Variants in GRID1 observed in about 807,000 individuals in gnomAD.
The protein encoded by GRID1 is glutamate ionotropic receptor delta type subunit 1.
GRID1 carries 28 observed loss-of-function variants against 98.0 expected under a neutral mutation model. That is an observed-to-expected ratio of 0.29 (90% CI 0.21 to 0.39). The LOEUF (loss-of-function observed/expected upper bound fraction) is 0.39, where lower values mean the gene tolerates loss of function less well. Ranked by LOEUF, GRID1 falls within the 10% of genes least tolerant of loss-of-function variation. GRID1 has a pLI of 1.00. For synonymous variants in GRID1, 553 were observed against 538.5 expected (o/e 1.03, Z -0.37); for missense variants, 1,111 against 1,340.5 (o/e 0.83, Z 2.67).
At chr10:86,141,185 G>A (rs77052422) in intron 3 of GRID1, among the ~76,000 whole-genome samples, 1 of 152,082 alleles carries the variant, frequency 6.6e-6, no homozygotes, top group Non-Finnish European at 1.5e-5. Context: ...AGGACAATAT[G>A]GTGCCTTACA....
intron 5 of GRID1, among the ~76,000 whole-genome samples, chr10:85,882,662 A>T (rs1468275237): frequency 6.6e-6 from 1 of 152,184 alleles, no homozygotes; most frequent in African/African-American, 2.4e-5. Context: ...TAGGAGACAC[A>T]CCTAATGTTA....
chr10:85,957,906 C>T (rs1842215734), intron 4 of GRID1, among the ~76,000 whole-genome samples: 2 of 152,180 alleles, frequency 1.3e-5, no homozygotes, highest in Non-Finnish European at 2.9e-5. Flanking sequence ...TGGCTGTCAC[C>T]TATCAAGGTG....
chr10:86,118,554 A>T (rs942353585), intron 4 of GRID1, among the ~76,000 whole-genome samples: 14 of 152,226 alleles, frequency 9.2e-5, no homozygotes, highest in African/African-American at 3.1e-4. Context: ...CAAACAACGG[A>T]TGTAGATACT....
intron 12 of GRID1, among the ~76,000 whole-genome samples, chr10:85,672,597 C>A (rs567555993): frequency 1.3e-5 from 2 of 152,008 alleles, no homozygotes; most frequent in Admixed American, 6.6e-5. Flanking sequence ...TGAGCCCCCA[C>A]GCCCGGCCTC....
At chr10:85,904,557 T>A (rs2131817733) in intron 5 of GRID1, among the ~76,000 whole-genome samples, 1 of 151,804 alleles carries the variant, frequency 6.6e-6, no homozygotes, top group African/African-American at 2.4e-5. Flanking sequence ...CTGAGCAGAG[T>A]GCTGACCCAG....
At position 85,735,190 on chromosome 10, in the gene GRID1, C is replaced by T. The variant is rs191919864; in HGVS notation, c.1234-5576G>A. 5.3e-5 allele frequency among the ~76,000 whole-genome samples: 8 copies of T among 152,192 alleles called. No homozygotes were observed. The East Asian group carries it at 7.8e-4, about 15-fold the overall frequency. On this transcript the variant is annotated intron_variant, in intron 8 of 15. Transcript: ENST00000327946. ...TTTACAGGATCGATGAATTTATGGC[C>T]GCACACACCCACTTTTGACAGCTGA...
At chr10:86,070,664 C>A (rs1219230797) in intron 4 of GRID1, among the ~76,000 whole-genome samples, 2 of 152,150 alleles carry the variant, frequency 1.3e-5, no homozygotes, top group African/African-American at 4.8e-5. Flanking sequence ...GTGATATGAC[C>A]CAGACACTTC....
At chr10:86,012,715 T>C (rs1396803816) in intron 4 of GRID1, among the ~76,000 whole-genome samples, 2 of 151,354 alleles carry the variant, frequency 1.3e-5, no homozygotes, top group Non-Finnish European at 3.0e-5. Context: ...AAGAGGCTCC[T>C]GAGAGCTTTT....
chr10:86,182,964 A>G (rs1319883724), intron 3 of GRID1, among the ~76,000 whole-genome samples: 1 of 152,226 alleles, frequency 6.6e-6, no homozygotes, highest in Non-Finnish European at 1.5e-5. Context: ...GAATTTGTTC[A>G]ACAGCTTTAT....
chr10:86,222,215 G>T (rs940812734), intron 2 of GRID1, among the ~76,000 whole-genome samples: 2 of 152,180 alleles, frequency 1.3e-5, no homozygotes, highest in African/African-American at 4.8e-5. Flanking sequence ...GAGCCCTCTT[G>T]CCAGGTATGA....
intron 3 of GRID1, among the ~76,000 whole-genome samples, chr10:86,168,446 C>G (rs911343769): frequency 6.6e-6 from 1 of 152,146 alleles, no homozygotes; most frequent in Non-Finnish European, 1.5e-5. Flanking sequence ...CTGTGTTTAC[C>G]GAGGGCACAT....
chr10:85,917,521 T>C (rs1295813470), intron 4 of GRID1, among the ~76,000 whole-genome samples: 4 of 152,174 alleles, frequency 2.6e-5, no homozygotes, highest in South Asian at 4.1e-4. Context: ...GACCATGAAA[T>C]ACATATCCAG....
chr10:85,686,609 A>C (rs912673821), intron 12 of GRID1, among the ~76,000 whole-genome samples: 2 of 152,178 alleles, frequency 1.3e-5, no homozygotes, highest in Non-Finnish European at 2.9e-5. Flanking sequence ...GATACAGTTC[A>C]ATACTACTTA....
chr10:86,129,185 T>C (rs1844799116), intron 4 of GRID1, among the ~76,000 whole-genome samples: 1 of 152,194 alleles, frequency 6.6e-6, no homozygotes, highest in Non-Finnish European at 1.5e-5. Flanking sequence ...TGCAGATGTG[T>C]TGGCCGAGAG....
intron 3 of GRID1, among the ~76,000 whole-genome samples, chr10:86,178,397 G>A (rs1278857455): frequency 1.3e-5 from 2 of 152,184 alleles, no homozygotes; most frequent in Non-Finnish European, 2.9e-5. Flanking sequence ...AAGGCTGGGT[G>A]ACAGCAAGTC....
chr10:86,314,109 G>A (rs1280586419), intron 2 of GRID1, among the ~76,000 whole-genome samples: 2 of 152,206 alleles, frequency 1.3e-5, no homozygotes, highest in African/African-American at 4.8e-5. Flanking sequence ...GGGCAGATCA[G>A]GTCCAGCTTC....
chr10:85,616,435 G>A (rs7922990), intron 14 of GRID1, among the ~76,000 whole-genome samples: 5,325 of 152,220 alleles, frequency 0.035, 153 homozygotes, highest in African/African-American at 0.08. Context: ...GGATGGTGAG[G>A]CTCTGGCCAG....
rs147284560 is a variant in GRID1 at position 86,219,375 on chromosome 10, T to G, written c.236-12727A>C. Among the ~76,000 whole-genome samples, 1,175 of 152,218 alleles carry G rather than the reference T, an allele frequency of 7.7e-3. 11 individuals are homozygous for G. Among genetic ancestry groups the G allele is most frequent in the Middle Eastern group, 0.014 (4 of 294 alleles). ...ACGCTGCCAACTGCCCAATGGCCCTTAAACCAGGTATTTGGGCTACAGGTC... is the reference window on the plus strand; with the variant it reads ...ACGCTGCCAACTGCCCAATGGCCCTGAAACCAGGTATTTGGGCTACAGGTC... On this transcript the variant is annotated intron_variant, in intron 2 of 15. Coordinates refer to ENST00000327946, the MANE Select transcript of GRID1 (RefSeq NM_017551.3).
At chr10:86,250,461 T>A (rs1347654090) in intron 2 of GRID1, among the ~76,000 whole-genome samples, 1 of 152,256 alleles carries the variant, frequency 6.6e-6, no homozygotes, top group East Asian at 1.9e-4. Flanking sequence ...ATGGTCTCAG[T>A]AAGCAGCAGG....
Sources: gnomAD v4.1 joint callset for allele counts (sites outside exome capture counted in the v4.1 genomes callset) on GRCh38, gnomAD v4.1.1 for gene constraint, MANE v1.5 for transcripts, NCBI Gene and HGNC (gene_info 2026-07-23, HGNC 2026-07-21) for gene names.